Variants in FERMT1 observed in about 807,000 individuals in gnomAD.
The protein encoded by FERMT1 is FERM domain containing kindlin 1.
FERMT1 carries 60 observed loss-of-function variants against 85.3 expected under a neutral mutation model. The observed-to-expected ratio is 0.70, with a 90% CI of 0.57 to 0.87. The LOEUF is 0.87. Among genes scored for constraint, FERMT1 ranks in the 40% least tolerant of loss-of-function variants. The probability of loss-of-function intolerance (pLI) is 0.00; values close to 1 mark genes in which losing one functional copy is unlikely to be tolerated. For missense variants in FERMT1, 701 were observed against 818.9 expected, an observed-to-expected ratio of 0.86 and a Z score of 1.76; for synonymous variants, 275 against 301.1, an observed-to-expected ratio of 0.91 and a Z score of 0.90.
intron 9 of FERMT1, among the ~76,000 whole-genome samples, chr20:6,090,824 A>T (rs1600432221): frequency 6.6e-6 from 1 of 152,306 alleles, no homozygotes; most frequent in South Asian, 2.1e-4. Context: ...GAAAAACATT[A>T]TATGAACTTA....
chr20:6,115,673 C>A, intron 3 of FERMT1, 138 bp downstream of exon 3: 1 of 733,692 alleles, frequency 1.4e-6, no homozygotes, highest in Non-Finnish European at 2.4e-6. Context: ...CTGCAATACC[C>A]AGAAGGGCTT....
intron 4 of FERMT1, among the ~76,000 whole-genome samples, chr20:6,112,090 G>A (rs1982967071): frequency 6.6e-6 from 1 of 151,904 alleles, no homozygotes; most frequent in Non-Finnish European, 1.5e-5. Context: ...TGCCCAGGCT[G>A]GTCTCAAACT....
intron 14 of FERMT1, among the ~76,000 whole-genome samples, chr20:6,078,646 GTTT>G: frequency 8.5e-6 from 1 of 117,420 alleles, no homozygotes; most frequent in African/African-American, 2.9e-5. Context: ...TTTTTTTTTT[GTTT>G]TTTTTTTTTT....
chr20:6,079,256 T>C (rs1856911659), intron 14 of FERMT1, among the ~76,000 whole-genome samples, 180 bp downstream of exon 14: 3 of 152,230 alleles, frequency 2.0e-5, no homozygotes, highest in Admixed American at 2.0e-4. Context: ...ATTTGGCCTG[T>C]GCCTGTTAGG....
chr20:6,087,373 C>T (rs1389580167), intron 11 of FERMT1, among the ~76,000 whole-genome samples: 1 of 152,146 alleles, frequency 6.6e-6, no homozygotes, highest in East Asian at 1.9e-4. Flanking sequence ...TGCGGTGGTG[C>T]CATCTTGGCT....
At chr20:6,088,624 CT>C (rs1350124651) in intron 10 of FERMT1, among the ~76,000 whole-genome samples, 3,556 of 139,962 alleles carry the variant, frequency 0.025, 59 homozygotes, top group South Asian at 0.06. Context: ...ATCTGCTCAC[CT>C]CTTTTTTTTT....
At chr20:6,078,381 C>T (rs553414326) in intron 14 of FERMT1, among the ~76,000 whole-genome samples, 1 of 152,302 alleles carries the variant, frequency 6.6e-6, no homozygotes, top group East Asian at 1.9e-4. Context: ...GGTCTCTTAC[C>T]ATCCCTCTAC....
chr20:6,110,233 TG>T, intron 5 of FERMT1, 64 bp downstream of exon 5: 2 of 1,353,912 alleles, frequency 1.5e-6, no homozygotes, highest in East Asian at 4.6e-5. Context: ...AAATGAAACG[TG>T]ACATCCCATC....
intron 1 of FERMT1, chr20:6,120,540 A>C (rs954547482): frequency 6.6e-6 from 1 of 152,262 alleles, no homozygotes; most frequent in African/African-American, 2.4e-5. Context: ...TTGAGATGTC[A>C]GTTCTCTCTT....
At chr20:6,088,135 A>C (rs1487264085) in intron 10 of FERMT1, among the ~76,000 whole-genome samples, 2 of 152,240 alleles carry the variant, frequency 1.3e-5, no homozygotes, top group African/African-American at 4.8e-5. Context: ...TTTTCAGGTT[A>C]ATGCTGGCTC....
At chr20:6,105,071 A>G (rs59849941) in intron 6 of FERMT1, among the ~76,000 whole-genome samples, 12,502 of 152,152 alleles carry the variant, frequency 0.082, 1,054 homozygotes, top group East Asian at 0.46. Flanking sequence ...AGCCTGACTC[A>G]CAGCGTGTGG....
chr20:6,108,212 A>G (rs577056712), intron 5 of FERMT1, among the ~76,000 whole-genome samples: 6 of 152,146 alleles, frequency 3.9e-5, no homozygotes, highest in Non-Finnish European at 8.8e-5. Flanking sequence ...GGGATGCTCA[A>G]CTGGTGAGTA....
In FERMT1 at chr20:6,105,265, T is replaced by C. The variant is rs116686803; in HGVS notation, c.849+2267A>G. 1.5e-3 allele frequency among the ~76,000 whole-genome samples: 235 copies of C among 152,306 alleles called. 1 individual carries two copies. Among genetic ancestry groups the C allele is most frequent in the African/African-American group, 4.7e-3 (196 of 41,568 alleles). Reference sequence around the variant, plus strand: ...CCGAGAGTAGAGAAAAGCTCCTTTCTGGAAAGAGTGGAACCTGAATGTGGT... The same window carrying C: ...CCGAGAGTAGAGAAAAGCTCCTTTCCGGAAAGAGTGGAACCTGAATGTGGT... On this transcript the variant is annotated intron_variant, in intron 6 of 14. Coordinates refer to ENST00000217289, the MANE Select transcript of FERMT1 (RefSeq NM_017671.5).
At chr20:6,100,082 A>C (rs974914339) in intron 6 of FERMT1, among the ~76,000 whole-genome samples, 12 of 152,166 alleles carry the variant, frequency 7.9e-5, no homozygotes, top group African/African-American at 2.9e-4. Flanking sequence ...AAAATGGTTA[A>C]AATGATAAAC....
At chr20:6,105,502 A>G (rs551299284) in intron 6 of FERMT1, among the ~76,000 whole-genome samples, 1 of 152,292 alleles carries the variant, frequency 6.6e-6, no homozygotes, top group East Asian at 1.9e-4. Context: ...TCTGTATGCC[A>G]GTTGTTGCTG....
rs557993295 is a variant in FERMT1, at chr20:6,117,664, C to G, written c.152-1620G>C. Among the ~76,000 whole-genome samples, 5 of 152,280 alleles carry G rather than the reference C, an allele frequency of 3.3e-5. No homozygotes were observed. In the South Asian group the frequency reaches 1.0e-3, roughly 32 times the overall value. ...GGTCAGGCTGGTCTCGAACTCCTGA[C>G]CTCGTGATCCACCCACCTCAGCCTT... On this transcript the variant is annotated intron_variant, in intron 2 of 14. Transcript: ENST00000217289.
At chr20:6,103,112 T>A (rs1982704500) in intron 6 of FERMT1, among the ~76,000 whole-genome samples, 3 of 152,186 alleles carry the variant, frequency 2.0e-5, no homozygotes, top group Admixed American at 1.3e-4. Context: ...AATGAATTCA[T>A]TATGAATGAA....
rs575218536 is a variant in FERMT1, at chr20:6,090,029, C to T, written c.1140-940G>A. ...ATCAAGAATGGGAGAAGAAAGGAACCTTGGTGTTCCTCTTGGAGAAGAGAG... is the reference window on the plus strand; with the variant it reads ...ATCAAGAATGGGAGAAGAAAGGAACTTTGGTGTTCCTCTTGGAGAAGAGAG... On this transcript the variant is annotated intron_variant, in intron 9 of 14. Transcript: ENST00000217289. 6.6e-5 allele frequency among the ~76,000 whole-genome samples: 10 copies of T among 152,220 alleles called. No individual in the cohort carries two copies. In the East Asian group the frequency reaches 1.9e-3, roughly 29 times the overall value.
rs1981843450 is a variant in FERMT1, at chr20:6,077,001, A to G, written c.*172T>C. The G allele has an allele frequency of 1.4e-6, 1 of 694,038 alleles. No individual in the cohort carries two copies. The highest frequency in any genetic ancestry group is 2.5e-6 in the Non-Finnish European group (1 of 396,142). 43.0% of individuals were successfully genotyped at this position (694,038 alleles called of 1,614,324 possible). On this transcript the variant is annotated 3_prime_UTR_variant, in exon 15 of 15. Transcript: ENST00000217289. ...TTCCGTGGCTGGTAGCACAGGGCAA[A>G]GTAAGGAAAGGGATGTGCCAGCAGT...
Sources: allele counts gnomAD v4.1 joint callset (sites outside exome capture counted in the v4.1 genomes callset), GRCh38; gene constraint gnomAD v4.1.1; transcripts MANE v1.5; gene names NCBI Gene and HGNC (gene_info 2026-07-23, HGNC 2026-07-21).